Variants in MUC17 observed in about 807,000 individuals in gnomAD.
The protein encoded by MUC17 is mucin-17.
Under a neutral mutation model 170.3 loss-of-function variants are expected in MUC17, and 190 were observed. The observed-to-expected ratio is 1.12, with a 90% CI of 0.99 to 1.26. MUC17 has a LOEUF of 1.26. Among genes scored for constraint, MUC17 ranks in the 50% most tolerant of loss-of-function variants. The probability of loss-of-function intolerance (pLI) is 0.00; values close to 1 mark genes in which losing one functional copy is unlikely to be tolerated. For synonymous variants in MUC17, 2,325 were observed against 2,002.5 expected (o/e 1.16, Z -4.30); for missense variants, 6,415 against 5,530.0 (o/e 1.16, Z -5.08).
At chr7:101,048,781 T>G in intron 4 of MUC17, 64 bp from the exon 5 acceptor site, 1 of 1,594,418 alleles carries the variant, frequency 6.3e-7, no homozygotes, top group Non-Finnish European at 8.6e-7. Flanking sequence ...CCACCCAGGC[T>G]GGGGGCAGAT....
intron 6 of MUC17, 130 bp downstream of exon 6, chr7:101,049,512 C>T (rs1277408308): frequency 3.9e-5 from 49 of 1,260,748 alleles, no homozygotes; most frequent in Non-Finnish European, 4.7e-5. Context: ...ACCGATGGGG[C>T]GGCTTAAACA....
rs371532269 is a variant in MUC17, at chr7:101,032,210, T to G, written c.794T>G (p.Leu265Arg). The G allele has an allele frequency of 1.2e-6, 2 of 1,614,204 alleles. No individual in the cohort carries two copies. The highest frequency in any genetic ancestry group is 1.7e-5 in the Admixed American group (1 of 60,032). Residue 265 changes from leucine (L) to arginine (R), a missense_variant, in exon 3 of 13, where the codon CTG becomes CGG. Coordinates refer to ENST00000306151, the MANE Select transcript of MUC17 (RefSeq NM_001040105.2). ...CCTACAACTGCTGAAGGTCCCAGCC[T>G]GTCAAACTCAGCTCCTAGTGGAGGA... Reference protein sequence around the residue: ...SSPTTAEGPSLSNSAPSGGST... With the variant: ...SSPTTAEGPSRSNSAPSGGST...
At chr7:101,056,363 A>T in intron 12 of MUC17, 93 bp downstream of exon 12, 1 of 1,538,134 alleles carries the variant, frequency 6.5e-7, no homozygotes, top group Non-Finnish European at 8.8e-7. Context: ...GAAAAACAGA[A>T]CCATGTTTAC....
At position 101,035,592 on chromosome 7, in the gene MUC17, T is replaced by C; in HGVS notation, c.4176T>C (p.Ser1392=). Residue 1392 remains serine, a synonymous_variant, in exon 3 of 13, where the codon AGT becomes AGC. Transcript: ENST00000306151. ...CCAGCATGCCAAACTCAAATCCTAG[T>C]GAAGGAACCACTCCGTTAACAAGTA... ...EGTSMPNSNP[S]EGTTPLTSIP... 6.2e-7 allele frequency: 1 copy of C among 1,613,292 alleles called. No individual in the cohort carries two copies. Among genetic ancestry groups the C allele is most frequent in the Non-Finnish European group, 8.5e-7 (1 of 1,179,790 alleles).
chr7:101,037,455 C>A lies in MUC17; in HGVS notation c.6039C>A (p.Ser2013Arg), dbSNP rs551185542. 2.7e-5 allele frequency: 44 copies of A among 1,611,024 alleles called. No individual in the cohort carries two copies. Among genetic ancestry groups the A allele is most frequent in the Non-Finnish European group, 3.7e-5 (44 of 1,178,336 alleles). Reference protein sequence around the residue: ...STLSTTPVDTSTPATTSTEGS... With the variant: ...STLSTTPVDTRTPATTSTEGS... ...TTTCCACAACTCCTGTTGACACCAG[C>A]ACTCCTGCCACCACTTCTACTGAAG... Residue 2013 changes from serine (S) to arginine (R), a missense_variant, in exon 3 of 13, where the codon AGC becomes AGA. Ser to Arg is a moderately radical substitution (Grantham distance 110). Transcript: ENST00000306151.
intron 1 of MUC17, among the ~76,000 whole-genome samples, chr7:101,027,925 T>C (rs962161995): frequency 4.6e-5 from 7 of 151,632 alleles, no homozygotes; most frequent in African/African-American, 1.7e-4. Context: ...GTGCATGCCA[T>C]GATGCCCAGC....
rs1489381633 is a variant in MUC17, at chr7:101,034,736, C to T, written c.3320C>T (p.Pro1107Leu). The T allele has an allele frequency of 7.5e-6, 12 of 1,607,346 alleles. No individual in the cohort carries two copies. Among genetic ancestry groups the T allele is most frequent in the Non-Finnish European group, 1.0e-5 (12 of 1,176,238 alleles). Residue 1107 changes from proline to leucine, a missense_variant, in exon 3 of 13, where the codon CCT (proline) becomes CTT (leucine). Coordinates refer to ENST00000306151, the MANE Select transcript of MUC17 (RefSeq NM_001040105.2). ...GGAAGCACTCCACTAACAAGTGTGC[C>T]TGTCAGCACCAGGCTGGTGGTCAGT... ...SEGSTPLTSV[P>L]VSTRLVVSSE...
At position 101,042,566 on chromosome 7, in the gene MUC17, C is replaced by T. The variant is rs758971023; in HGVS notation, c.11150C>T (p.Pro3717Leu). Residue 3717 changes from proline to leucine, a missense_variant, in exon 3 of 13, where the codon CCT (proline) becomes CTT (leucine). By Grantham distance (98) the Pro-to-Leu change is moderately conservative (BLOSUM62 -3). Transcript: ENST00000306151. ...TCTGAGGGTAGCACCCTTTCAACACCTTCTGTTGTCACCAGCACACCTGTG... is the reference window on the plus strand; with the variant it reads ...TCTGAGGGTAGCACCCTTTCAACACTTTCTGTTGTCACCAGCACACCTGTG... ...TSSEGSTLSTPSVVTSTPVTT... is the reference protein window; with the variant it reads ...TSSEGSTLSTLSVVTSTPVTT... 6.2e-7 allele frequency: 1 copy of T among 1,614,034 alleles called. No individual in the cohort carries two copies. Among genetic ancestry groups the T allele is most frequent in the South Asian group, 1.1e-5 (1 of 91,072 alleles).
rs773058252 is a variant in MUC17 at position 101,036,328 on chromosome 7, G to C, written c.4912G>C (p.Val1638Leu). 2.7e-5 allele frequency: 43 copies of C among 1,613,754 alleles called. No homozygotes were observed. The East Asian group carries it at 4.7e-4, about 18-fold the overall frequency. ...AAGTCCTCTATTAACAAGTATACCTGTCAGCACCACGCCGGTGGCCAGTCC... is the reference window on the plus strand; with the variant it reads ...AAGTCCTCTATTAACAAGTATACCTCTCAGCACCACGCCGGTGGCCAGTCC... ...EGSPLLTSIP[V>L]STTPVASPEA... is the part of the protein sequence containing the mutation. Residue 1638 changes from valine to leucine, a missense_variant, in exon 3 of 13, where the codon GTC (valine) becomes CTC (leucine). By Grantham distance (32) the Val-to-Leu change is conservative. Coordinates refer to ENST00000306151, the MANE Select transcript of MUC17 (RefSeq NM_001040105.2).
Position 101,035,204 on chromosome 7 carries a change from C to A in MUC17, c.3788C>A (p.Ala1263Asp). The A allele has an allele frequency of 4.3e-6, 7 of 1,610,092 alleles. No homozygotes were observed. The highest frequency in any genetic ancestry group is 5.1e-6 in the Non-Finnish European group (6 of 1,177,734). Residue 1263 changes from alanine to aspartate, a missense_variant, in exon 3 of 13, where the codon GCT becomes GAT. Physicochemically the swap from Ala to Asp is moderately radical, Grantham distance 126 (BLOSUM62 -2). Transcript: ENST00000306151. ...GAAACCAGTTCCTCTCCTACAACCG[C>A]TGAAGGTACCAGCTTGCCAACCTCA... ...SAETSSSPTT[A>D]EGTSLPTSTT... is the part of the protein sequence containing the mutation.
intron 3 of MUC17, among the ~76,000 whole-genome samples, chr7:101,047,341 A>G (rs1794859869): frequency 6.6e-6 from 1 of 152,056 alleles, no homozygotes; most frequent in African/African-American, 2.4e-5. Context: ...CACCTCTCAC[A>G]ATACCAGGTT....
Position 101,039,101 on chromosome 7 carries a change from C to T in MUC17, c.7685C>T (p.Thr2562Ile), listed in dbSNP as rs567486342. Residue 2562 changes from threonine to isoleucine, a missense_variant, in exon 3 of 13, where the codon ACC (threonine) becomes ATC (isoleucine). Coordinates refer to ENST00000306151, the MANE Select transcript of MUC17 (RefSeq NM_001040105.2). ...ISSSATSAEGTSMPTSTYSEG... is the reference protein window; with the variant it reads ...ISSSATSAEGISMPTSTYSEG... ...TCATCTGCTACATCCGCTGAAGGTACCAGCATGCCTACCTCAACTTATAGT... is the reference window on the plus strand; with the variant it reads ...TCATCTGCTACATCCGCTGAAGGTATCAGCATGCCTACCTCAACTTATAGT... 1 of 1,613,230 alleles carries T rather than the reference C, an allele frequency of 6.2e-7. No individual in the cohort carries two copies. The highest frequency in any genetic ancestry group is 1.3e-5 in the African/African-American group (1 of 74,652).
At chr7:101,048,580 A>G (rs934101650) in intron 4 of MUC17, among the ~76,000 whole-genome samples, 8 of 151,694 alleles carry the variant, frequency 5.3e-5, no homozygotes. Context: ...TGAGCAACAG[A>G]ACAATACCCT....
intron 7 of MUC17, 50 bp downstream of exon 7, chr7:101,050,685 G>A (rs375350295): frequency 1.6e-5 from 25 of 1,589,590 alleles, no homozygotes; most frequent in Non-Finnish European, 1.9e-5. Flanking sequence ...CAGAGCTGGG[G>A]CATGACTTTC....
chr7:101,056,433 G>C (rs960923871), intron 12 of MUC17, among the ~76,000 whole-genome samples, 163 bp downstream of exon 12: 2 of 152,154 alleles, frequency 1.3e-5, no homozygotes, highest in Admixed American at 1.3e-4. Context: ...GCCTAACTCA[G>C]GGGAAGAATA....
Position 101,032,519 on chromosome 7 carries a change from C to A in MUC17, c.1103C>A (p.Ser368Tyr). The A allele has an allele frequency of 6.2e-7, 1 of 1,614,206 alleles. No homozygotes were observed. The highest frequency in any genetic ancestry group is 8.5e-7 in the Non-Finnish European group (1 of 1,180,044). Residue 368 changes from serine (S) to tyrosine (Y), a missense_variant, in exon 3 of 13, where the codon TCT becomes TAT. Coordinates refer to ENST00000306151, the MANE Select transcript of MUC17 (RefSeq NM_001040105.2). ...GACACCAGCACACTTGTGACCACTT[C>A]TACTGAACCCAGTTCACTTCCTACA... ...PVDTSTLVTTSTEPSSLPTTA... is the reference protein window; with the variant it reads ...PVDTSTLVTTYTEPSSLPTTA...
chr7:101,031,302 A>AAGCTGCCATATTTTACAGTGTGTGACC, intron 2 of MUC17, 81 bp downstream of exon 2: 1 of 1,526,466 alleles, frequency 6.6e-7, no homozygotes, highest in South Asian at 1.3e-5. Context: ...CAGGCTGGTG[A>AAGCTGCCATATTTTACAGTGTGTGACC]AGCTGCCATA....
chr7:101,024,066 A>G (rs1222002313), intron 1 of MUC17, among the ~76,000 whole-genome samples: 1 of 152,048 alleles, frequency 6.6e-6, no homozygotes, highest in Non-Finnish European at 1.5e-5. Flanking sequence ...GCCTTTGCCC[A>G]CTTTTTGATG....
rs1460909665 is a variant in MUC17, at chr7:101,043,203, C to T, written c.11787C>T (p.Ile3929=). The T allele has an allele frequency of 1.2e-6, 2 of 1,614,154 alleles. No individual in the cohort carries two copies. The highest frequency in any genetic ancestry group is 1.7e-6 in the Non-Finnish European group (2 of 1,180,016). The change falls in exon 3 of 13, where the codon ATC becomes ATT. Residue 3929 remains isoleucine (I), a synonymous_variant. Transcript: ENST00000306151. ...PVATTISVSV[I]TEGSTPGTTI... The stretch of plus-strand genomic sequence containing the variant: ...CCACCACCATATCTGTATCAGTGAT[C>T]ACAGAAGGAAGCACACCTGGGACAA...
Sources: gnomAD v4.1 joint callset for allele counts (sites outside exome capture counted in the v4.1 genomes callset) on GRCh38, gnomAD v4.1.1 for gene constraint, MANE v1.5 for transcripts, NCBI Gene and HGNC (gene_info 2026-07-23, HGNC 2026-07-21) for gene names.